The following MYO5B variants were observed in gnomAD, a reference collection of about 807,000 sequenced individuals.
MYO5B encodes myosin VB.
MYO5B carries 143 observed loss-of-function variants against 229.3 expected under a neutral mutation model. The observed-to-expected ratio is 0.62, with a 90% CI of 0.54 to 0.72. The LOEUF (loss-of-function observed/expected upper bound fraction) is 0.72, where lower values mean the gene tolerates loss of function less well. Among genes scored for constraint, MYO5B ranks in the 30% least tolerant of loss-of-function variants. The pLI, the probability that MYO5B is intolerant of heterozygous loss-of-function variation, is 0.00. For missense variants in MYO5B, 2,321 were observed against 2,331.0 expected, an observed-to-expected ratio of 1.00 and a Z score of 0.09; for synonymous variants, 918 against 885.2, an observed-to-expected ratio of 1.04 and a Z score of -0.66.
chr18:49,962,126 G>A, intron 12 of MYO5B, 140 bp downstream of exon 12: 1 of 1,071,068 alleles, frequency 9.3e-7, no homozygotes, highest in Non-Finnish European at 1.4e-6. Context: ...CATGCTTCTA[G>A]TATGCAGCCT....
intron 1 of MYO5B, among the ~76,000 whole-genome samples, chr18:50,193,288 C>A (rs1443095683): frequency 6.6e-6 from 1 of 152,254 alleles, no homozygotes; most frequent in African/African-American, 2.4e-5. Flanking sequence ...CCCCTCCTCC[C>A]CCAGAGGCCG....
intron 18 of MYO5B, among the ~76,000 whole-genome samples, chr18:49,907,182 T>A (rs2024909249): frequency 6.6e-6 from 1 of 151,958 alleles, no homozygotes; most frequent in African/African-American, 2.4e-5. Context: ...AGGTGATTGG[T>A]GGGAGGAGCC....
At chr18:50,039,818 C>G (rs868441747) in intron 3 of MYO5B, among the ~76,000 whole-genome samples, 21 of 152,136 alleles carry the variant, frequency 1.4e-4, no homozygotes, top group Middle Eastern at 3.4e-3. Context: ...AACAAGGGTT[C>G]GGTGCTGAGA....
At chr18:49,886,587 C>T (rs2144117412) in intron 22 of MYO5B, among the ~76,000 whole-genome samples, 1 of 152,224 alleles carries the variant, frequency 6.6e-6, no homozygotes, top group African/African-American at 2.4e-5. Flanking sequence ...TAAAAATATA[C>T]ATGCATCAAA....
At chr18:49,874,961 T>C (rs1181235884) in intron 26 of MYO5B, among the ~76,000 whole-genome samples, 1 of 152,266 alleles carries the variant, frequency 6.6e-6, no homozygotes, top group Non-Finnish European at 1.5e-5. Flanking sequence ...TTTTCACCTG[T>C]GTTATGTCTG....
chr18:49,927,014 A>G (rs1217613), intron 17 of MYO5B, among the ~76,000 whole-genome samples: 93,019 of 151,970 alleles, frequency 0.61, 28,520 homozygotes, highest in Middle Eastern at 0.68. Flanking sequence ...ACTGGGGGAG[A>G]GAGAATAGGG....
chr18:50,054,257 C>T (rs1302761035), intron 2 of MYO5B, among the ~76,000 whole-genome samples: 1 of 152,214 alleles, frequency 6.6e-6, no homozygotes, highest in Admixed American at 6.5e-5. Context: ...CCAGCTACTC[C>T]AGGGGCTGAG....
chr18:49,990,363 T>C, intron 7 of MYO5B, 76 bp downstream of exon 7: 1 of 1,275,462 alleles, frequency 7.8e-7, no homozygotes, highest in Non-Finnish European at 1.1e-6. Flanking sequence ...CGGAGGGCTT[T>C]GAGCAGAGCC....
At chr18:49,945,107 TC>T (rs1346615270) in intron 14 of MYO5B, among the ~76,000 whole-genome samples, 11 of 152,184 alleles carry the variant, frequency 7.2e-5, no homozygotes, top group Admixed American at 6.5e-5. Flanking sequence ...TCCCAGAACC[TC>T]CCACGGGGCT....
intron 17 of MYO5B, 58 bp downstream of exon 17, chr18:49,929,454 C>A: frequency 6.8e-7 from 1 of 1,464,464 alleles, no homozygotes; most frequent in Non-Finnish European, 9.3e-7. Context: ...CCCTGGGGAA[C>A]CAAACTCTGG....
At chr18:49,826,975 G>A (rs2023855049) in intron 39 of MYO5B, among the ~76,000 whole-genome samples, 1 of 151,940 alleles carries the variant, frequency 6.6e-6, no homozygotes, top group Non-Finnish European at 1.5e-5. Context: ...GTAGACAGCT[G>A]AGCTCTAATC....
chr18:50,058,035 G>T (rs2030594598), intron 1 of MYO5B, among the ~76,000 whole-genome samples: 1 of 152,108 alleles, frequency 6.6e-6, no homozygotes, highest in African/African-American at 2.4e-5. Flanking sequence ...AAAAAGCTCA[G>T]AAGAAGGATA....
At chr18:50,037,110 G>T in intron 3 of MYO5B, 116 bp from the exon 4 acceptor site, 1 of 1,124,948 alleles carries the variant, frequency 8.9e-7, no homozygotes, top group Non-Finnish European at 1.3e-6. Context: ...GAGGGCAGCA[G>T]AACCAGTCTT....
chr18:50,061,516 C>T (rs375118510), intron 1 of MYO5B, among the ~76,000 whole-genome samples: 3 of 152,146 alleles, frequency 2.0e-5, no homozygotes, highest in African/African-American at 7.2e-5. Flanking sequence ...TAGGTAGCCA[C>T]ATCTTACCTT....
chr18:49,980,385 A>T (rs1483715997), intron 9 of MYO5B, 59 bp downstream of exon 9: 31 of 1,194,776 alleles, frequency 2.6e-5, no homozygotes, highest in Non-Finnish European at 3.6e-5. Flanking sequence ...CATTTCAGTC[A>T]TATCAAAGAA....
intron 10 of MYO5B, among the ~76,000 whole-genome samples, chr18:49,964,220 C>T (rs1457725868): frequency 2.0e-5 from 3 of 152,206 alleles, no homozygotes; most frequent in Non-Finnish European, 2.9e-5. Context: ...TATGACCCCA[C>T]CTCCAGCCTC....
intron 1 of MYO5B, among the ~76,000 whole-genome samples, chr18:50,149,547 T>G (rs929492185): frequency 9.9e-5 from 15 of 151,482 alleles, no homozygotes; most frequent in African/African-American, 3.6e-4. Flanking sequence ...TACAACCATC[T>G]GATCTTTGAC....
chr18:49,902,219 A>G (rs1374090062), intron 21 of MYO5B, among the ~76,000 whole-genome samples: 2 of 152,168 alleles, frequency 1.3e-5, no homozygotes, highest in Non-Finnish European at 2.9e-5. Flanking sequence ...GGCTGCCTGC[A>G]TCCCTCCCAC....
chr18:50,184,674 C>A (rs945245966), intron 1 of MYO5B, among the ~76,000 whole-genome samples: 4 of 152,058 alleles, frequency 2.6e-5, no homozygotes, highest in African/African-American at 9.7e-5. Flanking sequence ...AAAATACATG[C>A]CAAGGTGCTT....
Sources: allele counts gnomAD v4.1 joint callset (sites outside exome capture counted in the v4.1 genomes callset), GRCh38; gene constraint gnomAD v4.1.1; transcripts MANE v1.5; gene names NCBI Gene and HGNC (gene_info 2026-07-23, HGNC 2026-07-21).